RYR2: variants seen among roughly 807,000 people sequenced by gnomAD.
RYR2 encodes the protein ryanodine receptor 2.
Under a neutral mutation model 601.1 loss-of-function variants are expected in RYR2, and 227 were observed. The observed-to-expected ratio is 0.38, with a 90% confidence interval of 0.34 to 0.42. The LOEUF (loss-of-function observed/expected upper bound fraction) is 0.42. Ranked by LOEUF, RYR2 falls within the 10% of genes least tolerant of loss-of-function variation. RYR2 has a pLI of 1.00. For missense variants in RYR2, 4,646 were observed against 6,156.5 expected (o/e 0.75, Z 8.21); for synonymous variants, 2,223 against 2,175.1 (o/e 1.02, Z -0.61).
intron 73 of RYR2, among the ~76,000 whole-genome samples, chr1:237,722,640 A>G (rs1689840530): frequency 6.6e-6 from 1 of 151,976 alleles, no homozygotes; most frequent in East Asian, 1.9e-4. Flanking sequence ...TCACCGTGTT[A>G]ACCAGGACGG....
chr1:237,771,989 TA>T, intron 85 of RYR2, 22 bp from the exon 86 acceptor site: 1 of 1,349,128 alleles, frequency 7.4e-7, no homozygotes. Flanking sequence ...CAAGCATTAA[TA>T]ACATTTTTTT....
intron 1 of RYR2, among the ~76,000 whole-genome samples, chr1:237,054,339 CT>C (rs1450660871): frequency 6.8e-5 from 10 of 147,352 alleles, no homozygotes; most frequent in Non-Finnish European, 9.0e-5. Flanking sequence ...CCCTCCCCCC[CT>C]CCCTCCATCT....
intron 8 of RYR2, among the ~76,000 whole-genome samples, chr1:237,378,847 A>G (rs544742404): frequency 5.3e-5 from 8 of 152,322 alleles, no homozygotes; most frequent in African/African-American, 1.9e-4. Context: ...TGATGAAGAC[A>G]AGGAAATGGT....
intron 66 of RYR2, among the ~76,000 whole-genome samples, chr1:237,704,824 A>G (rs542424195): frequency 6.6e-6 from 1 of 152,242 alleles, no homozygotes; most frequent in Non-Finnish European, 1.5e-5. Flanking sequence ...TAAAATATCT[A>G]CAAATATAGA....
intron 1 of RYR2, among the ~76,000 whole-genome samples, chr1:237,138,806 A>C (rs1432967257): frequency 2.6e-5 from 4 of 152,176 alleles, no homozygotes; most frequent in African/African-American, 7.2e-5. Flanking sequence ...AAGATGTTCA[A>C]CTTTGTTAGT....
chr1:237,503,253 A>C, intron 21 of RYR2, 36 bp from the exon 22 acceptor site: 3 of 1,533,100 alleles, frequency 2.0e-6, no homozygotes, highest in Non-Finnish European at 2.7e-6. Flanking sequence ...AATGTACACC[A>C]GAGATAAAAT....
chr1:237,340,543 A>T (rs1406777001), intron 3 of RYR2, among the ~76,000 whole-genome samples: 1 of 152,208 alleles, frequency 6.6e-6, no homozygotes, highest in Non-Finnish European at 1.5e-5. Context: ...GTGTGTGTTT[A>T]TATTGTAGAC....
At chr1:237,702,097 G>C in intron 66 of RYR2, 38 bp downstream of exon 66, 2 of 1,133,940 alleles carry the variant, frequency 1.8e-6, no homozygotes, top group Non-Finnish European at 2.7e-6. Flanking sequence ...ATTAATTGCT[G>C]CTTCAAGTTT....
intron 98 of RYR2, among the ~76,000 whole-genome samples, chr1:237,805,454 G>A (rs935749773): frequency 2.6e-5 from 4 of 151,748 alleles, no homozygotes; most frequent in African/African-American, 7.3e-5. Flanking sequence ...GGTGGCGGAC[G>A]CTTGTAGTCC....
intron 37 of RYR2, among the ~76,000 whole-genome samples, chr1:237,615,956 T>C (rs549445256): frequency 2.0e-5 from 3 of 152,220 alleles, no homozygotes; most frequent in African/African-American, 7.2e-5. Flanking sequence ...CTAGGAGCTT[T>C]CCATGCAAAA....
intron 38 of RYR2, among the ~76,000 whole-genome samples, chr1:237,621,235 T>A (rs1679044967): frequency 6.6e-6 from 1 of 152,138 alleles, no homozygotes; most frequent in Non-Finnish European, 1.5e-5. Flanking sequence ...ACATCACATT[T>A]GAAAATTTTT....
chr1:237,764,028 T>C (rs1693643225), intron 84 of RYR2, among the ~76,000 whole-genome samples: 1 of 152,210 alleles, frequency 6.6e-6, no homozygotes, highest in African/African-American at 2.4e-5. Context: ...ACTGAGAAAA[T>C]AATCTGTTGT....
At chr1:237,101,317 A>AAG (rs1668078113) in intron 1 of RYR2, among the ~76,000 whole-genome samples, 1 of 142,916 alleles carries the variant, frequency 7.0e-6, no homozygotes, top group Non-Finnish European at 1.5e-5. Flanking sequence ...AAAAAAAAAA[A>AAG]AAAAAAACCT....
At position 237,760,190 on chromosome 1, in the gene RYR2, T is replaced by TA. The variant is rs765521468; in HGVS notation, c.11402+353dup. 9.7e-3 allele frequency among the ~76,000 whole-genome samples: 1,210 copies of TA among 124,652 alleles called. 12 individuals carry two copies. The highest frequency in any genetic ancestry group is 0.031 in the African/African-American group (1,069 of 34,084). 81.8% of individuals were successfully genotyped at this position (124,652 alleles called of 152,430 possible). On this transcript the variant is annotated intron_variant, in intron 83 of 104. Transcript: ENST00000366574. ...CAAGACTCCATCTCTACAAAAAGAT[T>TA]AAAAAAAAAAAAAAAGCTAGGCATG...
chr1:237,634,416 G>A (rs1418160956), intron 43 of RYR2, among the ~76,000 whole-genome samples: 2 of 152,070 alleles, frequency 1.3e-5, no homozygotes, highest in Non-Finnish European at 2.9e-5. Context: ...AATCAAAGTC[G>A]AACTCATAGA....
intron 2 of RYR2, among the ~76,000 whole-genome samples, chr1:237,304,308 A>T (rs1360870373): frequency 6.6e-6 from 1 of 152,240 alleles, no homozygotes; most frequent in East Asian, 1.9e-4. Flanking sequence ...AAGTCCCTTC[A>T]GCTTCTTTTG....
intron 22 of RYR2, 101 bp from the exon 23 acceptor site, chr1:237,506,609 A>C: frequency 2.9e-6 from 2 of 684,774 alleles, no homozygotes; most frequent in Non-Finnish European, 4.9e-6. Flanking sequence ...TTACTGGTTT[A>C]TGAGGCAGTT....
chr1:237,609,734 T>C (rs74147119), intron 35 of RYR2, among the ~76,000 whole-genome samples: 20,167 of 152,016 alleles, frequency 0.13, 3,246 homozygotes, highest in African/African-American at 0.39. Context: ...TTGCTGCCCT[T>C]GATTCTGGTT....
At chr1:237,082,020 G>A (rs928530950) in intron 1 of RYR2, among the ~76,000 whole-genome samples, 1 of 152,188 alleles carries the variant, frequency 6.6e-6, no homozygotes, top group Admixed American at 6.5e-5. Context: ...CCTCTTTAGA[G>A]ATGAAGGTTT....
Sources: allele counts gnomAD v4.1 joint callset (sites outside exome capture counted in the v4.1 genomes callset), GRCh38; gene constraint gnomAD v4.1.1; transcripts MANE v1.5; gene names NCBI Gene and HGNC (gene_info 2026-07-23, HGNC 2026-07-21).